Variants in ANKRD49 observed in about 807,000 individuals in gnomAD.
ANKRD49 encodes ankyrin repeat domain 49, also known as ankyrin repeat domain-containing protein 49.
A neutral mutation model predicts 19.6 loss-of-function variants in ANKRD49; 18 were observed. That is an observed-to-expected ratio of 0.92 (90% CI 0.63 to 1.36). The LOEUF is 1.36. Ranked by LOEUF, ANKRD49 falls within the 40% of genes most tolerant of loss-of-function variation. The pLI is 0.00. For missense variants in ANKRD49, 218 were observed against 281.6 expected (o/e 0.77, Z 1.62); for synonymous variants, 88 against 101.8 (o/e 0.86, Z 0.82).
At chr11:94,494,871 A>T (rs1222220696) in intron 1 of ANKRD49, among the ~76,000 whole-genome samples, 1 of 152,210 alleles carries the variant, frequency 6.6e-6, no homozygotes, top group East Asian at 1.9e-4. Context: ...ATTTATTAGC[A>T]TCTGTTAAGT....
chr11:94,497,303 ATAAG>A (rs200785314), intron 2 of ANKRD49: 15,079 of 427,282 alleles, frequency 0.035, 365 homozygotes, highest in Non-Finnish European at 0.048. Flanking sequence ...ATGTATCCCT[ATAAG>A]TAATATTCTT....
intron 1 of ANKRD49, 49 bp from the exon 2 acceptor site, chr11:94,496,554 TA>T (rs1159878672): frequency 6.5e-6 from 5 of 774,300 alleles, no homozygotes; most frequent in South Asian, 2.0e-5. Context: ...ATGCAGTTGA[TA>T]AAGCCTGAAT....
Position 94,498,054 on chromosome 11 carries a change from C to CTTT in ANKRD49, c.259-11_259-9dup. ...TGGTTTGAGTTGAGTTGAAAGATTTCTTTTTTTTCTTCTCAGCTTACCACA... is the reference window on the plus strand; with the variant it reads ...TGGTTTGAGTTGAGTTGAAAGATTTCTTTTTTTTTTTCTTCTCAGCTTACCACA... On this transcript the variant is annotated splice_polypyrimidine_tract_variant and intron_variant, in intron 2 of 2. Coordinates refer to ENST00000544612, the MANE Select transcript of ANKRD49 (RefSeq NM_017704.3). The CTTT allele has an allele frequency of 2.6e-6, 4 of 1,530,556 alleles. No homozygotes were observed. The highest frequency in any genetic ancestry group is 1.2e-5 in the South Asian group (1 of 81,554). The allele number at this position is 1,530,556 out of a possible 1,614,324, so 94.8% of individuals were successfully genotyped here.
intron 1 of ANKRD49, among the ~76,000 whole-genome samples, chr11:94,494,429 C>A (rs1947379713): frequency 6.6e-6 from 1 of 152,220 alleles, no homozygotes; most frequent in Non-Finnish European, 1.5e-5. Context: ...TCTGCCCTTT[C>A]AGTTCCATTG....
chr11:94,498,733 G>T lies in ANKRD49; in HGVS notation c.*201G>T. On this transcript the variant is annotated 3_prime_UTR_variant, in exon 3 of 3. Coordinates refer to ENST00000544612, the MANE Select transcript of ANKRD49 (RefSeq NM_017704.3). ...TGCATATATCTTTAATTATTTCTGT[G>T]GAGTTTGTGATTTTTTTATCAGAAA... 1.7e-6 allele frequency: 1 copy of T among 575,768 alleles called. No homozygotes were observed. The highest frequency in any genetic ancestry group is 3.0e-6 in the Non-Finnish European group (1 of 331,834). 35.7% of individuals were successfully genotyped at this position (575,768 alleles called of 1,614,324 possible).
Position 94,496,772 on chromosome 11 carries a change from C to G in ANKRD49, c.79C>G (p.Leu27Val). 1 of 1,613,766 alleles carries G rather than the reference C, an allele frequency of 6.2e-7. No homozygotes were observed. The highest frequency in any genetic ancestry group is 8.5e-7 in the Non-Finnish European group (1 of 1,179,884). Residue 27 changes from leucine (L) to valine (V), a missense_variant, in exon 2 of 3, where the codon CTT (leucine) becomes GTT (valine). Leu to Val is a conservative substitution (Grantham distance 32). Transcript: ENST00000544612. ...SLDFSEHFNQ[L>V]ELLETHGHLI... ...GGATTTTTCTGAACACTTTAACCAACTTGAATTGTTGGAAACACATGGACA... is the reference window on the plus strand; with the variant it reads ...GGATTTTTCTGAACACTTTAACCAAGTTGAATTGTTGGAAACACATGGACA...
At position 94,496,946 on chromosome 11, in the gene ANKRD49, A is replaced by T; in HGVS notation, c.253A>T (p.Asn85Tyr). 1.9e-6 allele frequency: 3 copies of T among 1,613,440 alleles called. No homozygotes were observed. Among genetic ancestry groups the T allele is most frequent in the Non-Finnish European group, 2.5e-6 (3 of 1,179,976 alleles). Residue 85 changes from asparagine (N) to tyrosine (Y), a missense_variant, in exon 2 of 3, where the codon AAT (asparagine) becomes TAT (tyrosine). Physicochemically the swap from Asn to Tyr is moderately radical, Grantham distance 143 (BLOSUM62 -2). Transcript: ENST00000544612. The stretch of plus-strand genomic sequence containing the variant: ...ATTGCTTCTTTGGGCTGCTGAAAAA[A>T]ATCGGGTAAAAAAAAAAATTACAGA... ...SRLLLWAAEK[N>Y]RLTTVRRLLS...
chr11:94,498,598 A>C lies in ANKRD49; in HGVS notation c.*66A>C. 1 of 1,367,008 alleles carries C rather than the reference A, an allele frequency of 7.3e-7. No individual in the cohort carries two copies. The highest frequency in any genetic ancestry group is 1.4e-5 in the South Asian group (1 of 72,214). The allele number at this position is 1,367,008 out of a possible 1,614,324, so 84.7% of individuals were successfully genotyped here. The stretch of plus-strand genomic sequence containing the variant: ...TCCTGTGTGTGAGATGTATTCCCAT[A>C]ATCAAAGTTGACGTCAAACATCTTA... On this transcript the variant is annotated 3_prime_UTR_variant, in exon 3 of 3. Transcript: ENST00000544612.
intron 1 of ANKRD49, among the ~76,000 whole-genome samples, chr11:94,495,283 G>T (rs748630078): frequency 1.3e-4 from 20 of 152,084 alleles, no homozygotes; most frequent in Non-Finnish European, 2.4e-4. Context: ...TCCATTCCAG[G>T]CAAAATCAAG....
rs2509943 is a variant in ANKRD49, at chr11:94,498,091, C to G, written c.279C>G (p.Leu93=). The change falls in exon 3 of 3, where the codon CTC becomes CTG. Residue 93 remains leucine (L), a synonymous_variant. Transcript: ENST00000544612. ...CTCAGCTTACCACAGTGCGGAGACT[C>G]CTTTCTGAAAAGGCCACTCACGTGA... The part of the protein sequence containing the change: ...EKNRLTTVRR[L]LSEKATHVNT... 898,625 of 1,609,474 alleles carry G rather than the reference C, an allele frequency of 0.56. 252,940 individuals are homozygous for G. The highest frequency in any genetic ancestry group is 0.63 in the African/African-American group (46,970 of 74,768).
In ANKRD49 at chr11:94,498,594, C is replaced by T; in HGVS notation, c.*62C>T. 7.2e-7 allele frequency: 1 copy of T among 1,383,026 alleles called. No individual in the cohort carries two copies. The highest frequency in any genetic ancestry group is 9.9e-7 in the Non-Finnish European group (1 of 1,008,894). 85.7% of individuals were successfully genotyped at this position (1,383,026 alleles called of 1,614,324 possible). On this transcript the variant is annotated 3_prime_UTR_variant, in exon 3 of 3. Transcript: ENST00000544612. ...TGCCTCCTGTGTGTGAGATGTATTC[C>T]CATAATCAAAGTTGACGTCAAACAT...
chr11:94,498,684 G>A lies in ANKRD49; in HGVS notation c.*152G>A. On this transcript the variant is annotated 3_prime_UTR_variant, in exon 3 of 3. Coordinates refer to ENST00000544612, the MANE Select transcript of ANKRD49 (RefSeq NM_017704.3). ...TCCAAGTGAATTGCCTGACTTTGATGTCAAAATGTATTTGAAAGTAATTTG... is the reference window on the plus strand; with the variant it reads ...TCCAAGTGAATTGCCTGACTTTGATATCAAAATGTATTTGAAAGTAATTTG... 1 of 663,092 alleles carries A rather than the reference G, an allele frequency of 1.5e-6. No individual in the cohort carries two copies. Among genetic ancestry groups the A allele is most frequent in the South Asian group, 2.0e-5 (1 of 49,484 alleles). The allele number at this position is 663,092 out of a possible 1,614,324, so 41.1% of individuals were successfully genotyped here.
chr11:94,497,363 C>G (rs893349164), intron 2 of ANKRD49: 2 of 278,228 alleles, frequency 7.2e-6, no homozygotes, highest in Non-Finnish European at 1.3e-5. Context: ...ATTAATTTGC[C>G]CAGGATCATC....
chr11:94,496,883 C>A lies in ANKRD49; in HGVS notation c.190C>A (p.Arg64=). The stretch of plus-strand genomic sequence containing the variant: ...AGATGACAAAAATGAAGAGTGGTAT[C>A]GATTGCAAGAAAAAAAAATGGAAAA... ...EQDDKNEEWY[R]LQEKKMEKDP... The change falls in exon 2 of 3, where the codon CGA becomes AGA. Residue 64 remains arginine, a synonymous_variant. Transcript: ENST00000544612. 1 of 1,612,600 alleles carries A rather than the reference C, an allele frequency of 6.2e-7. No homozygotes were observed. The highest frequency in any genetic ancestry group is 8.5e-7 in the Non-Finnish European group (1 of 1,179,730).
In ANKRD49 at chr11:94,496,705, A is replaced by G; in HGVS notation, c.12A>G (p.Glu4=). The change falls in exon 2 of 3, where the codon GAA becomes GAG. Residue 4 remains glutamate (E), a synonymous_variant. Coordinates refer to ENST00000544612, the MANE Select transcript of ANKRD49 (RefSeq NM_017704.3). MEK[E]KGNDDGIPDQ... ...AATAGTAGTAAAAAATGGAAAAAGA[A>G]AAAGGAAATGATGATGGAATACCAG... 1.3e-6 allele frequency: 2 copies of G among 1,578,124 alleles called. No individual in the cohort carries two copies. Among genetic ancestry groups the G allele is most frequent in the Non-Finnish European group, 1.7e-6 (2 of 1,166,224 alleles).
Position 94,496,764 on chromosome 11 carries a change from T to C in ANKRD49, c.71T>C (p.Phe24Ser), listed in dbSNP as rs1447862239. Residue 24 changes from phenylalanine to serine, a missense_variant, in exon 2 of 3, where the codon TTT becomes TCT. Phe to Ser is a radical substitution (Grantham distance 155, BLOSUM62 -2). Transcript: ENST00000544612. ...QENSLDFSEHFNQLELLETHG... is the reference protein window; with the variant it reads ...QENSLDFSEHSNQLELLETHG... ...AATTCCTTGGATTTTTCTGAACACTTTAACCAACTTGAATTGTTGGAAACA... is the reference window on the plus strand; with the variant it reads ...AATTCCTTGGATTTTTCTGAACACTCTAACCAACTTGAATTGTTGGAAACA... 3 of 1,613,796 alleles carry C rather than the reference T, an allele frequency of 1.9e-6. No homozygotes were observed. The highest frequency in any genetic ancestry group is 2.5e-6 in the Non-Finnish European group (3 of 1,179,930).
In ANKRD49 at chr11:94,498,627, C is replaced by T; in HGVS notation, c.*95C>T. On this transcript the variant is annotated 3_prime_UTR_variant, in exon 3 of 3. Coordinates refer to ENST00000544612, the MANE Select transcript of ANKRD49 (RefSeq NM_017704.3). The stretch of plus-strand genomic sequence containing the variant: ...AAAGTTGACGTCAAACATCTTACTA[C>T]AAAAATTCAGTGACATTCATTATAA... 1.8e-6 allele frequency: 2 copies of T among 1,104,852 alleles called. No homozygotes were observed. Among genetic ancestry groups the T allele is most frequent in the Non-Finnish European group, 2.6e-6 (2 of 765,256 alleles). 68.4% of individuals were successfully genotyped at this position (1,104,852 alleles called of 1,614,324 possible).
intron 1 of ANKRD49, among the ~76,000 whole-genome samples, chr11:94,494,600 A>G (rs1309560379): frequency 1.3e-5 from 2 of 152,216 alleles, no homozygotes; most frequent in Non-Finnish European, 2.9e-5. Flanking sequence ...ACATACCCTG[A>G]CATTCCTGAT....
At chr11:94,498,043 T>A (rs767598661) in intron 2 of ANKRD49, 28 bp from the exon 3 acceptor site, 2 of 1,518,380 alleles carry the variant, frequency 1.3e-6, no homozygotes, top group South Asian at 2.5e-5. Flanking sequence ...TTGAGTTGAG[T>A]TGAAAGATTT....
Sources: allele counts gnomAD v4.1 joint callset (sites outside exome capture counted in the v4.1 genomes callset), GRCh38; gene constraint gnomAD v4.1.1; transcripts MANE v1.5; gene names NCBI Gene and HGNC (gene_info 2026-07-23, HGNC 2026-07-21).